LRRC8D: variants seen among roughly 807,000 people sequenced by gnomAD.
LRRC8D encodes volume-regulated anion channel subunit LRRC8D.
Under a neutral mutation model 55.8 loss-of-function variants are expected in LRRC8D, and 20 were observed. The observed-to-expected ratio is 0.36, with a 90% CI of 0.25 to 0.52. LRRC8D has a LOEUF of 0.52. Among genes scored for constraint, LRRC8D ranks in the 20% least tolerant of loss-of-function variants. The pLI is 0.93. For synonymous variants in LRRC8D, 352 were observed against 377.0 expected, an observed-to-expected ratio of 0.93 and a Z score of 0.77; for missense variants, 651 against 1,030.8, an observed-to-expected ratio of 0.63 and a Z score of 5.05.
chr1:89,850,708 G>C (rs1233881642), intron 2 of LRRC8D, among the ~76,000 whole-genome samples: 1 of 152,094 alleles, frequency 6.6e-6, no homozygotes, highest in African/African-American at 2.4e-5. Context: ...TGGACATTTA[G>C]GTTGACTCCA....
At chr1:89,823,280 G>A (rs1156743501) in intron 1 of LRRC8D, among the ~76,000 whole-genome samples, 1 of 151,966 alleles carries the variant, frequency 6.6e-6, no homozygotes, top group African/African-American at 2.4e-5. Context: ...TCCCTGCTGT[G>A]TTTTCCAGCA....
At chr1:89,830,187 A>G (rs1053814628) in intron 1 of LRRC8D, among the ~76,000 whole-genome samples, 4 of 152,180 alleles carry the variant, frequency 2.6e-5, no homozygotes, top group Non-Finnish European at 5.9e-5. Flanking sequence ...ATTATACTCA[A>G]GTATAATCTC....
intron 2 of LRRC8D, among the ~76,000 whole-genome samples, chr1:89,848,588 C>CCTATCTAGAAATTAT (rs1661335994): frequency 6.6e-6 from 1 of 151,858 alleles, no homozygotes; most frequent in South Asian, 2.1e-4. Flanking sequence ...AAAGAAATTA[C>CCTATCTAGAAATTAT]TTCCTATCTA....
chr1:89,905,147 T>C (rs1375165765), intron 2 of LRRC8D, among the ~76,000 whole-genome samples: 3 of 152,216 alleles, frequency 2.0e-5, no homozygotes, highest in Non-Finnish European at 2.9e-5. Context: ...AGTTAAGTTT[T>C]CACCTGTGTC....
chr1:89,848,673 G>A (rs921595283), intron 2 of LRRC8D, among the ~76,000 whole-genome samples: 1 of 151,892 alleles, frequency 6.6e-6, no homozygotes, highest in East Asian at 1.9e-4. Context: ...ATGCAGAGTG[G>A]GTAATAACCC....
At chr1:89,830,697 T>G (rs1022512019) in intron 1 of LRRC8D, among the ~76,000 whole-genome samples, 2 of 152,132 alleles carry the variant, frequency 1.3e-5, no homozygotes, top group African/African-American at 4.8e-5. Context: ...TGTTGCCAGG[T>G]CTTCTGATTT....
intron 2 of LRRC8D, among the ~76,000 whole-genome samples, chr1:89,898,360 G>C (rs1012455063): frequency 6.6e-6 from 1 of 152,192 alleles, no homozygotes; most frequent in South Asian, 2.1e-4. Context: ...GAAGGAAAGC[G>C]TTATTCATTG....
intron 1 of LRRC8D, among the ~76,000 whole-genome samples, chr1:89,826,796 G>A (rs1660776489): frequency 6.6e-6 from 1 of 152,164 alleles, no homozygotes; most frequent in African/African-American, 2.4e-5. Flanking sequence ...GCAGATGACA[G>A]CTTTTCTGGA....
intron 2 of LRRC8D, among the ~76,000 whole-genome samples, chr1:89,852,816 G>A (rs778462312): frequency 2.6e-5 from 4 of 152,188 alleles, no homozygotes; most frequent in Non-Finnish European, 4.4e-5. Flanking sequence ...AGGGCTCAGT[G>A]AATGTGGAAC....
intron 2 of LRRC8D, among the ~76,000 whole-genome samples, chr1:89,907,253 G>A (rs1437166670): frequency 3.6e-5 from 5 of 139,474 alleles, no homozygotes; most frequent in Non-Finnish European, 7.5e-5. Context: ...GTGCAGTGGT[G>A]TGATCTTGGC....
intron 2 of LRRC8D, among the ~76,000 whole-genome samples, chr1:89,901,783 C>T (rs574331150): frequency 6.6e-6 from 1 of 152,304 alleles, no homozygotes; most frequent in South Asian, 2.1e-4. Flanking sequence ...GCTGGACTTT[C>T]TTATACTTAT....
chr1:89,849,331 A>G (rs1661354798), intron 2 of LRRC8D, among the ~76,000 whole-genome samples: 1 of 152,176 alleles, frequency 6.6e-6, no homozygotes. Context: ...ACCTAGGCAT[A>G]TGGAATTTAT....
chr1:89,870,466 A>G (rs1322491850), intron 2 of LRRC8D, among the ~76,000 whole-genome samples: 1 of 151,968 alleles, frequency 6.6e-6, no homozygotes, highest in Non-Finnish European at 1.5e-5. Context: ...ACAAAGCGAG[A>G]CCCTGTATCA....
At chr1:89,832,604 A>G (rs960242693) in intron 1 of LRRC8D, among the ~76,000 whole-genome samples, 2 of 152,208 alleles carry the variant, frequency 1.3e-5, no homozygotes, top group Admixed American at 6.5e-5. Context: ...TATTGAGAGA[A>G]TGGGTTCAGG....
At chr1:89,830,596 C>T (rs1037660375) in intron 1 of LRRC8D, among the ~76,000 whole-genome samples, 5 of 152,128 alleles carry the variant, frequency 3.3e-5, no homozygotes, top group African/African-American at 7.2e-5. Context: ...AGCAGGCACT[C>T]GCCCTCAGGG....
chr1:89,828,124 C>T (rs1660806739), intron 1 of LRRC8D, among the ~76,000 whole-genome samples: 1 of 152,208 alleles, frequency 6.6e-6, no homozygotes. Context: ...AAGACACCTT[C>T]AAATGGGTTT....
At chr1:89,846,340 A>T (rs1197803526) in intron 2 of LRRC8D, among the ~76,000 whole-genome samples, 1 of 150,758 alleles carries the variant, frequency 6.6e-6, no homozygotes, top group Non-Finnish European at 1.5e-5. Context: ...ACTCCTTTCA[A>T]CAGAGCTAAA....
At position 89,901,435 on chromosome 1, in the gene LRRC8D, G is replaced by A. The variant is rs575959180; in HGVS notation, c.-2-31632G>A. ...TGAAGTTCTCTCTAGATTTAACCTG[G>A]AAGGAGTTGAAATTGCTAACCTTAC... is the stretch of plus-strand genomic sequence containing the variant. On this transcript the variant is annotated intron_variant, in intron 2 of 2. Transcript: ENST00000337338. 3.3e-4 allele frequency among the ~76,000 whole-genome samples: 50 copies of A among 152,320 alleles called. 2 individuals are homozygous for A. In the South Asian group the frequency reaches 9.7e-3, roughly 30 times the overall value.
chr1:89,935,776 T>C lies in LRRC8D; in HGVS notation c.*131T>C. 1.3e-6 allele frequency: 1 copy of C among 747,808 alleles called. No homozygotes were observed. The allele number at this position is 747,808 out of a possible 1,614,324, so 46.3% of individuals were successfully genotyped here. A position where few individuals can be genotyped will look rare whatever the true frequency, so the allele number is the denominator to read the frequency against. ...TTTAAAATAAAACAGAGAGGATGCA[T>C]AGAAGGCTGATAGAAGACATAACTG... On this transcript the variant is annotated 3_prime_UTR_variant, in exon 3 of 3. Coordinates refer to ENST00000337338, the MANE Select transcript of LRRC8D (RefSeq NM_001134479.2).
Sources: allele counts gnomAD v4.1 joint callset (sites outside exome capture counted in the v4.1 genomes callset), GRCh38; gene constraint gnomAD v4.1.1; transcripts MANE v1.5; gene names NCBI Gene and HGNC (gene_info 2026-07-23, HGNC 2026-07-21).